The following PTPRU variants were observed in gnomAD, a reference collection of about 807,000 sequenced individuals.
The protein encoded by PTPRU is receptor-type tyrosine-protein phosphatase U.
In PTPRU, 69 loss-of-function variants were observed where a neutral mutation model predicts 166.3. That is an observed-to-expected ratio of 0.41 (90% confidence interval 0.34 to 0.51). The LOEUF (loss-of-function observed/expected upper bound fraction) is 0.51, where lower values mean the gene tolerates loss of function less well. PTPRU is among the 20% of genes least tolerant of loss of function. PTPRU has a pLI of 0.09. For missense variants in PTPRU, 1,657 were observed against 2,013.7 expected (o/e 0.82, Z 3.39); for synonymous variants, 793 against 814.0 (o/e 0.97, Z 0.44).
At chr1:29,283,074 AG>A in intron 12 of PTPRU, 125 bp downstream of exon 12, 1 of 1,354,410 alleles carries the variant, frequency 7.4e-7, no homozygotes, top group Non-Finnish European at 1.0e-6. Flanking sequence ...CACCTCCCAT[AG>A]CCCCACCTCC....
Position 29,282,778 on chromosome 1 carries a change from G to C in PTPRU, c.1971G>C (p.Leu657=). The change falls in exon 12 of 30, where the codon CTG becomes CTC. Residue 657 remains leucine, a synonymous_variant. Coordinates refer to ENST00000373779, the MANE Select transcript of PTPRU (RefSeq NM_133178.4). The part of the protein sequence containing the change: ...FPVPLTFEAA[L]ARGLVHYFGA... ...TGCCATTGACCTTCGAGGCGGCGCT[G>C]GCCCGAGGCCTGGTGCACTACTTCG... 3.7e-6 allele frequency: 6 copies of C among 1,614,106 alleles called. No homozygotes were observed. Among genetic ancestry groups the C allele is most frequent in the Non-Finnish European group, 5.1e-6 (6 of 1,180,010 alleles).
At position 29,259,558 on chromosome 1, in the gene PTPRU, C is replaced by A; in HGVS notation, c.669C>A (p.Leu223=). Residue 223 remains leucine (L), a synonymous_variant, in exon 5 of 30, where the codon CTC becomes CTA. Transcript: ENST00000373779. The stretch of plus-strand genomic sequence containing the variant: ...GAGCGGCCGAGGCCGAACGCTTCCT[C>A]TTGCAAGTGAGCGGGAGCGGTGATC... The part of the protein sequence containing the change: ...AGRAAEAERF[L]LQRQSGALVP... 8.2e-7 allele frequency: 1 copy of A among 1,217,688 alleles called. No individual in the cohort carries two copies. Among genetic ancestry groups the A allele is most frequent in the Non-Finnish European group, 1.1e-6 (1 of 903,444 alleles). The allele number at this position is 1,217,688 out of a possible 1,614,324, so 75.4% of individuals were successfully genotyped here.
chr1:29,283,939 G>GGA lies in PTPRU; in HGVS notation c.2145_2146dup (p.Thr716ArgfsTer4). The stretch of plus-strand genomic sequence containing the variant: ...GCTGAGACCCCCATCTGTGCCTCCA[G>GGA]GAGACCCGGCTGAATTGCATCCGCA... On this transcript the variant is annotated frameshift_variant and splice_region_variant. Transcript: ENST00000373779. LOFTEE classifies it high-confidence loss of function. 1 of 1,614,060 alleles carries GGA rather than the reference G, an allele frequency of 6.2e-7. No individual in the cohort carries two copies. Among genetic ancestry groups the GGA allele is most frequent in the Non-Finnish European group, 8.5e-7 (1 of 1,180,040 alleles).
At position 29,259,560 on chromosome 1, in the gene PTPRU, T is replaced by A; in HGVS notation, c.671T>A (p.Leu224Ter). 2 of 1,311,368 alleles carry A rather than the reference T, an allele frequency of 1.5e-6. No homozygotes were observed. Among genetic ancestry groups the A allele is most frequent in the Non-Finnish European group, 2.0e-6 (2 of 976,306 alleles). 81.2% of individuals were successfully genotyped at this position (1,311,368 alleles called of 1,614,324 possible). Residue 224 changes from leucine to a stop codon, truncating the protein, a stop_gained, in exon 5 of 30, where the codon TTG becomes TAG. Transcript: ENST00000373779. LOFTEE classifies it high-confidence loss of function. ...GRAAEAERFL[L>*]QRQSGALVPA... ...GCGGCCGAGGCCGAACGCTTCCTCTTGCAAGTGAGCGGGAGCGGTGATCTT... is the reference window on the plus strand; with the variant it reads ...GCGGCCGAGGCCGAACGCTTCCTCTAGCAAGTGAGCGGGAGCGGTGATCTT...
intron 14 of PTPRU, among the ~76,000 whole-genome samples, chr1:29,288,825 A>T (rs1038571796): frequency 6.6e-6 from 1 of 152,156 alleles, no homozygotes; most frequent in African/African-American, 2.4e-5. Context: ...AGAGAGGCCC[A>T]GGTAGCCCAT....
intron 18 of PTPRU, among the ~76,000 whole-genome samples, chr1:29,310,390 G>A (rs1304917409): frequency 1.3e-5 from 2 of 152,084 alleles, no homozygotes; most frequent in African/African-American, 4.8e-5. Flanking sequence ...CTGGGAACAG[G>A]GCAGGGCCAT....
chr1:29,259,600 T>TTTTTGGGGGGGGGGGGGGGGGG, intron 5 of PTPRU, 36 bp downstream of exon 5: 19 of 253,088 alleles, frequency 7.5e-5, no homozygotes, highest in Non-Finnish European at 1.2e-4. Context: ...GGGGGCGGGG[T>TTTTTGGGGGGGGGGGGGGGGGG]GGGAGGGGGT....
chr1:29,281,629 T>C (rs1686087324), intron 11 of PTPRU, among the ~76,000 whole-genome samples: 1 of 152,162 alleles, frequency 6.6e-6, no homozygotes, highest in African/African-American at 2.4e-5. Context: ...CCTGGTGGGA[T>C]TTAGGGCTAG....
chr1:29,246,722 T>G (rs1011386233), intron 1 of PTPRU, among the ~76,000 whole-genome samples: 2 of 152,084 alleles, frequency 1.3e-5, no homozygotes, highest in African/African-American at 4.8e-5. Flanking sequence ...TTCAAGTGAT[T>G]CTCCTGCCTC....
rs537274299 is a variant in PTPRU at position 29,249,974 on chromosome 1, C to T, written c.74-5301C>T. ...TTCCCTCCAGTCATAGCTCCCATGG[C>T]TTTAGCCAACCTGGGCTCCTTTCTG... On this transcript the variant is annotated intron_variant, in intron 1 of 29. Transcript: ENST00000373779. Among the ~76,000 whole-genome samples the T allele has an allele frequency of 2.0e-5, 3 of 152,336 alleles. No individual in the cohort carries two copies. In the South Asian group the frequency reaches 6.2e-4, roughly 32 times the overall value.
At chr1:29,269,219 C>CATATATAT (rs1239721913) in intron 7 of PTPRU, among the ~76,000 whole-genome samples, 21 of 42,408 alleles carry the variant, frequency 5.0e-4, no homozygotes, top group African/African-American at 1.2e-3. Flanking sequence ...AATTTATATA[C>CATATATAT]ATATATATAT....
chr1:29,295,153 A>G (rs1293557386), intron 15 of PTPRU, among the ~76,000 whole-genome samples: 8 of 151,742 alleles, frequency 5.3e-5, no homozygotes, highest in African/African-American at 1.7e-4. Flanking sequence ...CTCCCACCTC[A>G]GCCTCCCGAG....
chr1:29,325,857 C>T lies in PTPRU; in HGVS notation c.*196C>T. On this transcript the variant is annotated 3_prime_UTR_variant, in exon 30 of 30. Transcript: ENST00000373779. ...GCTTGTCCCATGGGCGGGTGGTGGG[C>T]CAAGGAGGAGCTTAGCAAGTCTGCA... 2 of 616,298 alleles carry T rather than the reference C, an allele frequency of 3.2e-6. No homozygotes were observed. The highest frequency in any genetic ancestry group is 2.7e-6 in the Non-Finnish European group (1 of 371,556). The allele number at this position is 616,298 out of a possible 1,614,324, so 38.2% of individuals were successfully genotyped here.
rs746982280 is a variant in PTPRU, at chr1:29,325,178, ATC to A, written c.4113-8_4113-7del. 5 of 1,613,740 alleles carry A rather than the reference ATC, an allele frequency of 3.1e-6. No individual in the cohort carries two copies. Among genetic ancestry groups the A allele is most frequent in the Non-Finnish European group, 4.2e-6 (5 of 1,179,922 alleles). Reference sequence around the variant, plus strand: ...CAAGGCCCCGCCCCTCAGCTTTTGCATCTCTCATTCAGAAACGGGGGAGGACG... The same window carrying A: ...CAAGGCCCCGCCCCTCAGCTTTTGCATCTCATTCAGAAACGGGGGAGGACG... On this transcript the variant is annotated splice_polypyrimidine_tract_variant and intron_variant, in intron 28 of 29. Transcript: ENST00000373779.
At position 29,315,480 on chromosome 1, in the gene PTPRU, C is replaced by T; in HGVS notation, c.3336C>T (p.Ser1112=). 1 of 1,614,188 alleles carries T rather than the reference C, an allele frequency of 6.2e-7. No individual in the cohort carries two copies. The highest frequency in any genetic ancestry group is 1.1e-5 in the South Asian group (1 of 91,076). Residue 1112 remains serine (S), a synonymous_variant, in exon 23 of 30, where the codon TCC becomes TCT. Transcript: ENST00000373779. The surrounding 1 kb of genome is among the most constrained non-coding windows in gnomAD (Gnocchi z 4.5). ...DIYNCVKTLC[S]RRVNMIQTEE... is the part of the protein sequence containing the mutation. ...ACAACTGTGTGAAGACTCTCTGCTC[C>T]CGGCGTGTCAACATGATCCAGACTG... is the stretch of plus-strand genomic sequence containing the variant.
chr1:29,287,243 G>A (rs1404211153), intron 14 of PTPRU, among the ~76,000 whole-genome samples: 1 of 152,166 alleles, frequency 6.6e-6, no homozygotes, highest in African/African-American at 2.4e-5. Context: ...TCCAGGGCCT[G>A]GAAGGGAGGC....
intron 2 of PTPRU, among the ~76,000 whole-genome samples, chr1:29,256,001 C>T (rs1684757601): frequency 6.6e-6 from 1 of 152,122 alleles, no homozygotes; most frequent in Non-Finnish European, 1.5e-5. Context: ...TTCATCATGG[C>T]CCCTAGAACA....
rs1384517700 is a variant in PTPRU, at chr1:29,282,725, G to A, written c.1918G>A (p.Glu640Lys). ...EEERARRLRR[E>K]PGGQDCFPVP... ...GGAGCGGGCGCGGAGGCTGCGGCGG[G>A]AGCCAGGTGGACAGGACTGCTTCCC... The change falls in exon 12 of 30, where the codon GAG becomes AAG. Residue 640 changes from glutamate to lysine, a missense_variant. By Grantham distance (56) the Glu-to-Lys change is moderately conservative. Around this residue, in one of 3 missense-constraint regions of PTPRU, gnomAD observed 1,190 missense variants for 1,477.4 expected, o/e 0.81. Transcript: ENST00000373779. The A allele has an allele frequency of 1.2e-6, 2 of 1,613,758 alleles. No individual in the cohort carries two copies. Among genetic ancestry groups the A allele is most frequent in the Admixed American group, 1.7e-5 (1 of 60,020 alleles).
chr1:29,236,943 G>T lies in PTPRU; in HGVS notation c.73+226G>T, dbSNP rs542736135. 1.3e-5 allele frequency among the ~76,000 whole-genome samples: 2 copies of T among 152,318 alleles called. No homozygotes were observed. Among genetic ancestry groups the T allele is most frequent in the East Asian group, 3.9e-4 (2 of 5,188 alleles). ...AAAGGTGATGTGTGTCGGCGAGTATGTTGGGGGTGAATGTTGTGTGCATCG... is the reference window on the plus strand; with the variant it reads ...AAAGGTGATGTGTGTCGGCGAGTATTTTGGGGGTGAATGTTGTGTGCATCG... On this transcript the variant is annotated intron_variant, in intron 1 of 29. Transcript: ENST00000373779. The surrounding 1 kb of genome is among the most constrained non-coding windows in gnomAD (Gnocchi z 4.6).
Sources: gnomAD v4.1 joint callset for allele counts (sites outside exome capture counted in the v4.1 genomes callset) on GRCh38, gnomAD v4.1.1 for gene constraint, gnomAD v4.1.1 regional missense constraint, Gnocchi (gnomAD v3.1) non-coding constraint, MANE v1.5 for transcripts, NCBI Gene and HGNC (gene_info 2026-07-23, HGNC 2026-07-21) for gene names.